The following PRDM16 variants were observed in gnomAD, a reference collection of about 807,000 sequenced individuals.
The protein encoded by PRDM16 is histone-lysine N-methyltransferase PRDM16.
In PRDM16, 23 loss-of-function variants were observed where a neutral mutation model predicts 110.6. That is an observed-to-expected ratio of 0.21 (90% CI 0.15 to 0.29). The LOEUF (loss-of-function observed/expected upper bound fraction) is 0.29. Ranked by LOEUF, PRDM16 falls within the 10% of genes least tolerant of loss-of-function variation. The pLI is 1.00. For missense variants in PRDM16, 1,615 were observed against 1,794.3 expected (o/e 0.90, Z 1.81); for synonymous variants, 799 against 781.8 (o/e 1.02, Z -0.37).
At chr1:3,422,049 T>C (rs1557667706) in intron 12 of PRDM16, among the ~76,000 whole-genome samples, 1 of 125,524 alleles carries the variant, frequency 8.0e-6, no homozygotes, top group Non-Finnish European at 1.6e-5. Flanking sequence ...GACAGATGGA[T>C]GGACAGACAG....
intron 2 of PRDM16, among the ~76,000 whole-genome samples, chr1:3,194,694 T>TCGTCTCCCCACCACACGCCAC (rs1638417144): frequency 1.3e-5 from 1 of 77,064 alleles, no homozygotes. Context: ...CCACACGCCA[T>TCGTCTCCCCACCACACGCCAC]CGTCTCCCCG....
chr1:3,408,947 A>C (rs1354207782), intron 8 of PRDM16, among the ~76,000 whole-genome samples: 1 of 101,472 alleles, frequency 9.9e-6, no homozygotes, highest in Non-Finnish European at 1.9e-5. Context: ...CATGAGAGTG[A>C]GGGGCGTGTG....
intron 3 of PRDM16, among the ~76,000 whole-genome samples, chr1:3,248,664 C>A (rs1409558183): frequency 3.3e-5 from 5 of 152,176 alleles, no homozygotes; most frequent in Admixed American, 3.3e-4. Flanking sequence ...AAATCTCTCC[C>A]GGTTATTATT....
intron 3 of PRDM16, among the ~76,000 whole-genome samples, chr1:3,282,663 G>A (rs542439772): frequency 6.6e-6 from 1 of 152,344 alleles, no homozygotes; most frequent in East Asian, 1.9e-4. Flanking sequence ...CGCCAAGAGA[G>A]CAGGCATCTC....
chr1:3,176,296 AT>A (rs1644088475), intron 1 of PRDM16, among the ~76,000 whole-genome samples: 3 of 150,494 alleles, frequency 2.0e-5, no homozygotes, highest in African/African-American at 7.3e-5. Context: ...CCATCTATCC[AT>A]CTGTCCATAC....
intron 1 of PRDM16, among the ~76,000 whole-genome samples, chr1:3,130,828 C>T (rs1259896744): frequency 6.7e-6 from 1 of 150,318 alleles, no homozygotes; most frequent in African/African-American, 2.5e-5. Flanking sequence ...ATCTTTTCTG[C>T]TGCCGGCACA....
chr1:3,381,675 C>T (rs1342161094), intron 3 of PRDM16, among the ~76,000 whole-genome samples: 3 of 152,168 alleles, frequency 2.0e-5, no homozygotes, highest in African/African-American at 2.4e-5. Context: ...AGGCATGAGC[C>T]ACCGTGCCCG....
rs1643825585 is a variant in PRDM16 at position 3,154,285 on chromosome 1, TGG to T, written c.38-31839_38-31838del. ...GCTGGCGCACTCTCCCTGGGCGGCG[TGG>T]TGGGGGGGCAGGGGGACGCTTTTGA... is the stretch of plus-strand genomic sequence containing the variant. On this transcript the variant is annotated intron_variant, in intron 1 of 16. Transcript: ENST00000270722. 3.3e-5 allele frequency among the ~76,000 whole-genome samples: 5 copies of T among 151,974 alleles called. No individual in the cohort carries two copies. In the South Asian group the frequency reaches 1.0e-3, roughly 32 times the overall value.
In PRDM16 at chr1:3,225,574, G is replaced by GCGCGCGCA. The variant is rs1553149441; in HGVS notation, c.388-18506_388-18505insACGCGCGC. 2.8e-3 allele frequency among the ~76,000 whole-genome samples: 379 copies of GCGCGCGCA among 135,198 alleles called. 2 individuals are homozygous for GCGCGCGCA. The highest frequency in any genetic ancestry group is 0.012 in the African/African-American group (363 of 29,716). 88.7% of individuals were successfully genotyped at this position (135,198 alleles called of 152,430 possible). On this transcript the variant is annotated intron_variant, in intron 2 of 16. Transcript: ENST00000270722. ...TGTGTGTGTGTGTGTGTGTGTGTGT[G>GCGCGCGCA]CGCGCGCGCAGAAGGAAGGAAACGC...
chr1:3,359,427 G>A lies in PRDM16; in HGVS notation c.439-25725G>A, dbSNP rs1174461816. 1.3e-5 allele frequency among the ~76,000 whole-genome samples: 2 copies of A among 152,132 alleles called. No homozygotes were observed. The highest frequency in any genetic ancestry group is 1.3e-4 in the Admixed American group (2 of 15,272). On this transcript the variant is annotated intron_variant, in intron 3 of 16. Coordinates refer to ENST00000270722, the MANE Select transcript of PRDM16 (RefSeq NM_022114.4). The surrounding 1 kb of genome is among the most constrained non-coding windows in gnomAD (Gnocchi z 4.3). ...GAGACCCTGCACATGGAACACATTG[G>A]AAGCCCTTGTCGGGTGCCACCTTCT...
chr1:3,414,272 G>A (rs1643742780), intron 9 of PRDM16, among the ~76,000 whole-genome samples: 1 of 152,208 alleles, frequency 6.6e-6, no homozygotes, highest in African/African-American at 2.4e-5. Flanking sequence ...AGGCCCTCGA[G>A]GGGACCTTGG....
chr1:3,238,647 G>A (rs1052056073), intron 2 of PRDM16, among the ~76,000 whole-genome samples: 5 of 152,228 alleles, frequency 3.3e-5, no homozygotes, highest in Non-Finnish European at 7.3e-5. Context: ...CGGTTCTTGC[G>A]GGAGCTGCCA....
chr1:3,363,160 C>A (rs767729257), intron 3 of PRDM16, among the ~76,000 whole-genome samples: 5 of 152,072 alleles, frequency 3.3e-5, no homozygotes, highest in African/African-American at 1.2e-4. Context: ...TCCTCCAGCC[C>A]GGGGGTCGGG....
intron 2 of PRDM16, among the ~76,000 whole-genome samples, chr1:3,233,851 TA>T (rs1639475672): frequency 6.6e-6 from 1 of 151,884 alleles, no homozygotes; most frequent in Non-Finnish European, 1.5e-5. Context: ...AACAGCTTTT[TA>T]TATGCCAATC....
At chr1:3,386,162 G>A (rs1288633919) in intron 4 of PRDM16, among the ~76,000 whole-genome samples, 2 of 152,026 alleles carry the variant, frequency 1.3e-5, no homozygotes, top group South Asian at 2.1e-4. Flanking sequence ...CGGGGTGCCC[G>A]GGGTCCCCGG....
chr1:3,314,872 G>C (rs1232693851), intron 3 of PRDM16, among the ~76,000 whole-genome samples: 1 of 152,164 alleles, frequency 6.6e-6, no homozygotes, highest in Non-Finnish European at 1.5e-5. Context: ...ATTCATCTTG[G>C]ATAGATTACA....
chr1:3,121,267 C>T (rs939507268), intron 1 of PRDM16, among the ~76,000 whole-genome samples: 3 of 152,186 alleles, frequency 2.0e-5, no homozygotes, highest in East Asian at 1.9e-4. Context: ...CCCGGGGCTG[C>T]GGTGCCTCCG....
chr1:3,435,572 G>T lies in PRDM16; in HGVS notation c.*1761G>T, dbSNP rs1205985638. 1 of 231,400 alleles carries T rather than the reference G, an allele frequency of 4.3e-6. No homozygotes were observed. Among genetic ancestry groups the T allele is most frequent in the African/African-American group, 2.2e-5 (1 of 45,016 alleles). The allele number at this position is 231,400 out of a possible 1,614,324, so 14.3% of individuals were successfully genotyped here. On this transcript the variant is annotated 3_prime_UTR_variant, in exon 17 of 17. Transcript: ENST00000270722. ...TGATGATAGAGTCCCAAAAAGAAGA[G>T]AAAAAAAATGCCCAAGTTGCCCTTT...
intron 3 of PRDM16, among the ~76,000 whole-genome samples, chr1:3,384,311 C>A (rs1643158960): frequency 6.6e-6 from 1 of 152,192 alleles, no homozygotes; most frequent in Non-Finnish European, 1.5e-5. Flanking sequence ...AGGAAGCTTG[C>A]CCAAGATGCT....
Sources: gnomAD v4.1 joint callset for allele counts (sites outside exome capture counted in the v4.1 genomes callset) on GRCh38, gnomAD v4.1.1 for gene constraint, Gnocchi (gnomAD v3.1) non-coding constraint, MANE v1.5 for transcripts, NCBI Gene and HGNC (gene_info 2026-07-23, HGNC 2026-07-21) for gene names.